KLF13: variants seen among roughly 807,000 people sequenced by gnomAD.
KLF13 encodes KLF transcription factor 13, also known as Krueppel-like factor 13.
KLF13 carries 8 observed loss-of-function variants against 16.7 expected under a neutral mutation model. That is an observed-to-expected ratio of 0.48 (90% CI 0.28 to 0.87). KLF13 has a LOEUF of 0.87. KLF13 is among the 40% of genes least tolerant of loss of function. The pLI is 0.10. For synonymous variants in KLF13, 245 were observed against 208.4 expected, an observed-to-expected ratio of 1.18 and a Z score of -1.51; for missense variants, 447 against 452.2, an observed-to-expected ratio of 0.99 and a Z score of 0.10.
At chr15:31,408,426 A>G (rs2040153431), downstream of KLF13, among the ~76,000 whole-genome samples, 2 of 152,204 alleles carry the variant, frequency 1.3e-5, no homozygotes, top group South Asian at 2.1e-4. Context: ...GAGTGCCAAC[A>G]GTGTCATCCT....
intron 1 of KLF13, among the ~76,000 whole-genome samples, chr15:31,431,529 C>CAA (rs1380048044): frequency 2.0e-5 from 3 of 151,914 alleles, no homozygotes; most frequent in Non-Finnish European, 4.4e-5. Flanking sequence ...CAGTGGCGTG[C>CAA]TCTCGGCTCA....
intron 1 of KLF13, among the ~76,000 whole-genome samples, chr15:31,366,971 T>C (rs1308362553): frequency 6.6e-6 from 1 of 152,274 alleles, no homozygotes; most frequent in East Asian, 1.9e-4. Context: ...CCACGACGAC[T>C]GGAATGCGTG....
chr15:31,385,045 C>T (rs573336197), intron 1 of KLF13, among the ~76,000 whole-genome samples: 3 of 152,228 alleles, frequency 2.0e-5, no homozygotes, highest in South Asian at 2.1e-4. Flanking sequence ...GATCCCTTCA[C>T]AAGAAGAGAT....
chr15:31,341,317 C>A (rs1429059458), intron 1 of KLF13, among the ~76,000 whole-genome samples: 2 of 152,016 alleles, frequency 1.3e-5, no homozygotes, highest in East Asian at 1.9e-4. Context: ...GTGAGGCACC[C>A]AGTAGGAGGG....
chr15:31,431,716 G>A (rs929518034), intron 1 of KLF13, among the ~76,000 whole-genome samples: 3 of 152,134 alleles, frequency 2.0e-5, no homozygotes, highest in Non-Finnish European at 4.4e-5. Context: ...CTCCCGCCTC[G>A]GCCTCCCAAA....
Position 31,428,826 on chromosome 15 carries a change from GA to G in KLF13, n.118-6539del, listed in dbSNP as rs1296541637. ...TCAAAAAAAAAAAAAAAAAAAAAAA[GA>G]AAAAGAAAAAGAAATGCCACAGACC... On this transcript the variant is annotated intron_variant and non_coding_transcript_variant, in intron 1 of 1. Transcript: ENST00000558225. Among the ~76,000 whole-genome samples, 194 of 96,522 alleles carry G rather than the reference GA, an allele frequency of 2.0e-3. 1 individual carries two copies. Among genetic ancestry groups the G allele is most frequent in the African/African-American group, 7.4e-3 (191 of 25,776 alleles). 63.3% of individuals were successfully genotyped at this position (96,522 alleles called of 152,430 possible).
intron 1 of KLF13, among the ~76,000 whole-genome samples, chr15:31,371,477 C>T (rs1407531147): frequency 5.3e-5 from 8 of 152,218 alleles, no homozygotes; most frequent in South Asian, 2.1e-4. Flanking sequence ...TTCCAGGCCC[C>T]GGAACTCACC....
At chr15:31,365,011 T>C (rs7167525) in intron 1 of KLF13, among the ~76,000 whole-genome samples, 131,285 of 152,254 alleles carry the variant, frequency 0.86, 56,812 homozygotes, top group African/African-American at 0.92. Flanking sequence ...TTGGCCATGC[T>C]GACCTGCTCC....
rs1041549378 is a variant in KLF13 at position 31,372,214 on chromosome 15, G to A, written c.782G>A (p.Gly261Asp). ...NFHPGMLQRR[G>D]GGSRTGSLSD... ...CACCCGGGAATGCTGCAGCGGCGCG[G>A]CGGGGGCTCGCGGACCGGCTCCCTC... The change falls in exon 2 of 2, where the codon GGC becomes GAC. Residue 261 changes from glycine to aspartate, a missense_variant. Around this residue, in one of 2 missense-constraint regions of KLF13, gnomAD observed 88 missense variants for 169.5 expected, o/e 0.52. Transcript: ENST00000307145. The A allele has an allele frequency of 1.9e-6, 3 of 1,599,666 alleles. No homozygotes were observed. The highest frequency in any genetic ancestry group is 2.2e-5 in the South Asian group (2 of 90,472).
At chr15:31,368,366 T>TC in intron 1 of KLF13, among the ~76,000 whole-genome samples, 1 of 152,324 alleles carries the variant, frequency 6.6e-6, no homozygotes, top group African/African-American at 2.4e-5. Flanking sequence ...GTTGTGAATC[T>TC]CCAAGAGTGG....
intron 1 of KLF13, among the ~76,000 whole-genome samples, chr15:31,420,895 G>A (rs1303865805): frequency 6.6e-6 from 1 of 152,108 alleles, no homozygotes; most frequent in African/African-American, 2.4e-5. Context: ...GTTTCACCAT[G>A]TTGGTCAGGC....
chr15:31,339,072 G>A (rs2038980646), intron 1 of KLF13, among the ~76,000 whole-genome samples: 1 of 152,000 alleles, frequency 6.6e-6, no homozygotes, highest in Admixed American at 6.5e-5. Context: ...CTGTCCCTTG[G>A]GTGTTGGGAG....
chr15:31,395,314 G>A lies in KLF13; in HGVS notation n.529+1623G>A, dbSNP rs554049778. On this transcript the variant is annotated intron_variant and non_coding_transcript_variant, in intron 2 of 2. Transcript: ENST00000500533. ...TATTATGGCTTGATAATACTCTGTC[G>A]TATGGATATACTATTTTTTTAAAGT... Among the ~76,000 whole-genome samples the A allele has an allele frequency of 4.6e-5, 7 of 152,196 alleles. No homozygotes were observed. The South Asian group carries it at 6.2e-4, about 14-fold the overall frequency.
chr15:31,379,297 T>C (rs1246520553), downstream of KLF13, among the ~76,000 whole-genome samples: 3 of 152,164 alleles, frequency 2.0e-5, no homozygotes, highest in Admixed American at 2.0e-4. Context: ...CCATTCTTGG[T>C]TGGAGTATTT....
chr15:31,340,721 C>A (rs1308476022), intron 1 of KLF13, among the ~76,000 whole-genome samples: 5 of 152,104 alleles, frequency 3.3e-5, no homozygotes, highest in Non-Finnish European at 5.9e-5. Flanking sequence ...TAGTGAGACT[C>A]CACTGGGCAT....
At chr15:31,401,244 C>T (rs1456348573) in intron 2 of KLF13, among the ~76,000 whole-genome samples, 2 of 152,230 alleles carry the variant, frequency 1.3e-5, no homozygotes, top group Non-Finnish European at 2.9e-5. Context: ...AGGTGATCCA[C>T]CCACCTCAGC....
intron 1 of KLF13, among the ~76,000 whole-genome samples, chr15:31,364,006 G>A (rs1030801313): frequency 2.6e-5 from 4 of 152,144 alleles, no homozygotes; most frequent in African/African-American, 7.2e-5. Flanking sequence ...CTAGGGGTTC[G>A]AGATGTCACT....
chr15:31,354,434 G>A (rs1482090085), intron 1 of KLF13, among the ~76,000 whole-genome samples: 1 of 152,216 alleles, frequency 6.6e-6, no homozygotes, highest in Non-Finnish European at 1.5e-5. Context: ...AGGCTGGAGT[G>A]CAATGGCGCG....
chr15:31,327,482 GA>G lies in KLF13; in HGVS notation c.272del (p.Lys91ArgfsTer98). The G allele has an allele frequency of 8.3e-7, 1 of 1,202,384 alleles. No individual in the cohort carries two copies. The highest frequency in any genetic ancestry group is 3.2e-5 in the South Asian group (1 of 30,850). 74.5% of individuals were successfully genotyped at this position (1,202,384 alleles called of 1,614,324 possible). A position where few individuals can be genotyped will look rare whatever the true frequency, so the allele number is the denominator to read the frequency against. On this transcript the variant is annotated frameshift_variant, in exon 1 of 2. Coordinates refer to ENST00000307145, the MANE Select transcript of KLF13 (RefSeq NM_015995.4). LOFTEE classifies it high-confidence loss of function. The stretch of plus-strand genomic sequence containing the variant: ...AGCGCAGGGAGGGCGCCGCGGCCCG[GA>G]AGGCGAGGACCCCCTGCCGCCTGCC... The part of the protein sequence containing the change: ...AERREGAAAR[K>X]ARTPCRLPPP...
Sources: gnomAD v4.1 joint callset for allele counts (sites outside exome capture counted in the v4.1 genomes callset) on GRCh38, gnomAD v4.1.1 for gene constraint, gnomAD v4.1.1 regional missense constraint, MANE v1.5 for transcripts, NCBI Gene and HGNC (gene_info 2026-07-23, HGNC 2026-07-21) for gene names.